CPA5: variants seen among roughly 807,000 people sequenced by gnomAD.
The protein encoded by CPA5 is testicular tissue protein Li 32.
A neutral mutation model predicts 52.2 loss-of-function variants in CPA5; 38 were observed. The observed-to-expected ratio is 0.73, with a 90% CI of 0.56 to 0.95. CPA5 has a LOEUF of 0.95. Among genes scored for constraint, CPA5 ranks in the 40% least tolerant of loss-of-function variants. The probability of loss-of-function intolerance (pLI) is 0.00; values close to 1 mark genes in which losing one functional copy is unlikely to be tolerated. For synonymous variants in CPA5, 198 were observed against 213.7 expected (o/e 0.93, Z 0.64); for missense variants, 519 against 566.7 (o/e 0.92, Z 0.86).
chr7:130,351,170 T>C (rs1282594493), intron 5 of CPA5, among the ~76,000 whole-genome samples: 1 of 152,164 alleles, frequency 6.6e-6, no homozygotes, highest in Non-Finnish European at 1.5e-5. Context: ...TGTTTCCCGC[T>C]CAACGTGTGG....
intron 4 of CPA5, 54 bp downstream of exon 4, chr7:130,347,901 C>A (rs373621512): frequency 7.1e-7 from 1 of 1,401,034 alleles, no homozygotes; most frequent in African/African-American, 1.4e-5. Context: ...GTGGCTCACA[C>A]ATTTAGCTCC....
rs782022528 is a variant in CPA5 at position 130,359,561 on chromosome 7, T to C, written c.334-28T>C. On this transcript the variant is annotated intron_variant, in intron 5 of 12. Coordinates refer to ENST00000474905, the MANE Select transcript of CPA5 (RefSeq NM_080385.5). ...ATAGCCAGCCCAGCTCTCCCCTTCCTTTCCAATATGTGTTCCCCATCACCC... is the reference window on the plus strand; with the variant it reads ...ATAGCCAGCCCAGCTCTCCCCTTCCCTTCCAATATGTGTTCCCCATCACCC... The C allele has an allele frequency of 2.0e-6, 3 of 1,534,102 alleles. No individual in the cohort carries two copies. The South Asian group carries it at 3.6e-5, about 18-fold the overall frequency.
In CPA5 at chr7:130,359,589, G is replaced by A; in HGVS notation, c.334G>A (p.Val112Met). 1.3e-6 allele frequency: 2 copies of A among 1,558,304 alleles called. No individual in the cohort carries two copies. The highest frequency in any genetic ancestry group is 1.7e-6 in the Non-Finnish European group (2 of 1,149,826). ...AYSIMIKDIQ[V>M]LLDEERQAMA... ...CCAATATGTGTTCCCCATCACCCAG[G>A]TGCTGCTGGATGAGGAAAGACAGGC... Residue 112 changes from valine to methionine, a missense_variant and splice_region_variant, in exon 6 of 13, where the codon GTG becomes ATG. Val to Met is a conservative substitution (Grantham distance 21). Transcript: ENST00000474905.
intron 11 of CPA5, 67 bp downstream of exon 11, chr7:130,367,638 C>G: frequency 7.0e-7 from 1 of 1,431,144 alleles, no homozygotes. Flanking sequence ...ATCTGTCATA[C>G]TCCCAGAGGG....
intron 3 of CPA5, among the ~76,000 whole-genome samples, chr7:130,347,310 C>T (rs1177447919): frequency 1.3e-5 from 2 of 152,242 alleles, no homozygotes; most frequent in African/African-American, 2.4e-5. Flanking sequence ...TCTGATCTCA[C>T]CTTCCGGGCG....
chr7:130,347,702 A>G, intron 3 of CPA5, 64 bp from the exon 4 acceptor site: 1 of 1,438,118 alleles, frequency 7.0e-7, no homozygotes, highest in Non-Finnish European at 9.8e-7. Flanking sequence ...GCCCCTTCCA[A>G]GTGACACAGC....
At chr7:130,369,479 G>T (rs1477792078), downstream of CPA5, among the ~76,000 whole-genome samples, 3 of 152,204 alleles carry the variant, frequency 2.0e-5, no homozygotes, top group African/African-American at 7.2e-5. Context: ...TATGCAGCAG[G>T]GATAGCAGGG....
downstream of CPA5, among the ~76,000 whole-genome samples, chr7:130,369,201 T>C (rs1796261195): frequency 6.6e-6 from 1 of 152,172 alleles, no homozygotes; most frequent in Non-Finnish European, 1.5e-5. Flanking sequence ...TCCCTGGGTC[T>C]TGGGAACACA....
At chr7:130,356,902 G>T (rs1795505231) in intron 5 of CPA5, among the ~76,000 whole-genome samples, 1 of 152,230 alleles carries the variant, frequency 6.6e-6, no homozygotes, top group South Asian at 2.1e-4. Flanking sequence ...GCTCGTCACA[G>T]CTGATGGCAC....
intron 11 of CPA5, 81 bp downstream of exon 11, chr7:130,367,652 A>G: frequency 1.5e-6 from 2 of 1,359,474 alleles, no homozygotes; most frequent in Middle Eastern, 2.3e-4. Flanking sequence ...CAGAGGGCTC[A>G]GGTTGTTACT....
chr7:130,372,246 G>T (rs890356720), downstream of CPA5, among the ~76,000 whole-genome samples: 1 of 152,244 alleles, frequency 6.6e-6, no homozygotes, highest in Non-Finnish European at 1.5e-5. Context: ...GGCAGGGGCC[G>T]TGTGTGCGTT....
In CPA5 at chr7:130,367,582, C is replaced by T. The variant is rs782347371; in HGVS notation, c.1038+11C>T. 1.7e-5 allele frequency: 28 copies of T among 1,610,528 alleles called. No homozygotes were observed. The highest frequency in any genetic ancestry group is 3.3e-5 in the Admixed American group (2 of 59,982). ...AATCAGAGGGAGTTGGTGAGACTGG[C>T]TGCTTAGGGCCTGGGGAGAAGAGAC... On this transcript the variant is annotated intron_variant, in intron 11 of 12. Transcript: ENST00000474905.
rs1483331391 is a variant in CPA5 at position 130,361,233 on chromosome 7, C to T, written c.523C>T (p.Leu175Phe). 6.2e-7 allele frequency: 1 copy of T among 1,611,710 alleles called. No homozygotes were observed. The highest frequency in any genetic ancestry group is 8.5e-7 in the Non-Finnish European group (1 of 1,177,936). ...CAACAGCTTTGAAAACCAGTCCATT[C>T]TTGTCCTGAAGGTAAAAGCCCACAA... is the stretch of plus-strand genomic sequence containing the variant. ...IGNSFENQSILVLKFSTGGSR... is the reference protein window; with the variant it reads ...IGNSFENQSIFVLKFSTGGSR... The change falls in exon 7 of 13, where the codon CTT becomes TTT. Residue 175 changes from leucine to phenylalanine, a missense_variant. Physicochemically the swap from Leu to Phe is conservative, Grantham distance 22. Coordinates refer to ENST00000474905, the MANE Select transcript of CPA5 (RefSeq NM_080385.5).
intron 5 of CPA5, among the ~76,000 whole-genome samples, chr7:130,352,850 T>C (rs1247554243): frequency 6.6e-6 from 1 of 152,014 alleles, no homozygotes; most frequent in Non-Finnish European, 1.5e-5. Context: ...TTTTTTTTTT[T>C]ATTTTTTCCC....
intron 11 of CPA5, 36 bp downstream of exon 11, chr7:130,367,607 C>A (rs782109699): frequency 1.3e-6 from 2 of 1,570,920 alleles, no homozygotes; most frequent in Non-Finnish European, 8.8e-7. Flanking sequence ...GGAGAAGAGA[C>A]CGCTTCACAG....
rs146061171 is a variant in CPA5 at position 130,347,041 on chromosome 7, G to A, written c.116+440G>A. Among the ~76,000 whole-genome samples, 284 of 152,272 alleles carry A rather than the reference G, an allele frequency of 1.9e-3. 2 individuals carry two copies. The highest frequency in any genetic ancestry group is 6.4e-3 in the African/African-American group (265 of 41,552). Reference sequence around the variant, plus strand: ...TCTAGTATTACACGCCAGGCCCTCTGTGGATGTACTTTGAGCCTCTCCAAG... The same window carrying A: ...TCTAGTATTACACGCCAGGCCCTCTATGGATGTACTTTGAGCCTCTCCAAG... On this transcript the variant is annotated intron_variant, in intron 3 of 12. Coordinates refer to ENST00000474905, the MANE Select transcript of CPA5 (RefSeq NM_080385.5).
chr7:130,358,665 C>T (rs1196856913), intron 5 of CPA5, among the ~76,000 whole-genome samples: 2 of 152,168 alleles, frequency 1.3e-5, no homozygotes, highest in East Asian at 1.9e-4. Flanking sequence ...GAGTACTTCC[C>T]ACACTGGACA....
At chr7:130,357,732 G>T (rs1444044175) in intron 5 of CPA5, among the ~76,000 whole-genome samples, 1 of 152,074 alleles carries the variant, frequency 6.6e-6, no homozygotes, top group Non-Finnish European at 1.5e-5. Flanking sequence ...ATCTTAGCAG[G>T]CATTGCGAAT....
At chr7:130,348,643 C>T (rs2117294523) in intron 4 of CPA5, among the ~76,000 whole-genome samples, 1 of 152,250 alleles carries the variant, frequency 6.6e-6, no homozygotes, top group South Asian at 2.1e-4. Flanking sequence ...CTTGAGGACT[C>T]TTTAGGGCTC....
Sources: gnomAD v4.1 joint callset for allele counts (sites outside exome capture counted in the v4.1 genomes callset) on GRCh38, gnomAD v4.1.1 for gene constraint, MANE v1.5 for transcripts, NCBI Gene and HGNC (gene_info 2026-07-23, HGNC 2026-07-21) for gene names.